SRRM3: variants seen among roughly 807,000 people sequenced by gnomAD.
SRRM3 encodes serine/arginine repetitive matrix protein 3.
In SRRM3, 27 loss-of-function variants were observed where a neutral mutation model predicts 66.2. The observed-to-expected ratio is 0.41, with a 90% CI of 0.30 to 0.56. SRRM3 has a LOEUF of 0.56. Among genes scored for constraint, SRRM3 ranks in the 20% least tolerant of loss-of-function variants. The probability of loss-of-function intolerance (pLI) is 0.32; values close to 1 mark genes in which losing one functional copy is unlikely to be tolerated. For synonymous variants in SRRM3, 391 were observed against 414.9 expected (o/e 0.94, Z 0.70); for missense variants, 918 against 991.9 (o/e 0.93, Z 1.00).
chr7:76,272,193 G>A (rs1036834278), intron 11 of SRRM3, among the ~76,000 whole-genome samples: 17 of 152,226 alleles, frequency 1.1e-4, no homozygotes, highest in South Asian at 2.1e-4. Flanking sequence ...AGAGTTTGCC[G>A]TCTTTTCTAT....
intron 12 of SRRM3, 93 bp downstream of exon 12, chr7:76,281,895 G>T: frequency 1.1e-6 from 1 of 874,110 alleles, no homozygotes. Context: ...ATCCCTCCCC[G>T]CGCTGAGCTA....
intron 1 of SRRM3, among the ~76,000 whole-genome samples, chr7:76,222,511 G>A (rs1446710981): frequency 6.6e-6 from 1 of 151,892 alleles, no homozygotes; most frequent in Non-Finnish European, 1.5e-5. Context: ...TGCCTGCAGG[G>A]TGTGGTCCTA....
In SRRM3 at chr7:76,287,023, G is replaced by A. The variant is rs1802697225; in HGVS notation, c.*1180G>A. 6.5e-6 allele frequency: 1 copy of A among 152,678 alleles called. No individual in the cohort carries two copies. The highest frequency in any genetic ancestry group is 6.5e-5 in the Admixed American group (1 of 15,278). 9.5% of individuals were successfully genotyped at this position (152,678 alleles called of 1,614,324 possible). A position where few individuals can be genotyped will look rare whatever the true frequency, so the allele number is the denominator to read the frequency against. On this transcript the variant is annotated 3_prime_UTR_variant, in exon 15 of 15. Coordinates refer to ENST00000611745, the MANE Select transcript of SRRM3 (RefSeq NM_001110199.3). The stretch of plus-strand genomic sequence containing the variant: ...CTACAGCCCTCAGAAGGGAGGGGAG[G>A]AAAGAGACTGAGGGCCCTGGCCTGG...
At chr7:76,258,172 G>A (rs1801759188) in intron 3 of SRRM3, among the ~76,000 whole-genome samples, 1 of 152,198 alleles carries the variant, frequency 6.6e-6, no homozygotes, top group Non-Finnish European at 1.5e-5. Flanking sequence ...CTTGATTGAT[G>A]AGCACAGTCC....
intron 3 of SRRM3, among the ~76,000 whole-genome samples, chr7:76,253,482 G>A (rs900824137): frequency 1.4e-4 from 22 of 151,862 alleles, no homozygotes; most frequent in African/African-American, 3.9e-4. Context: ...TTAGCTGGGC[G>A]TGGTGGTGGG....
chr7:76,219,484 G>A (rs1800659170), intron 1 of SRRM3, among the ~76,000 whole-genome samples: 1 of 152,206 alleles, frequency 6.6e-6, no homozygotes, highest in African/African-American at 2.4e-5. Context: ...ATCTCAGCCA[G>A]CCCAGCAGAA....
At chr7:76,216,107 C>T (rs994981528) in intron 1 of SRRM3, among the ~76,000 whole-genome samples, 12 of 151,784 alleles carry the variant, frequency 7.9e-5, no homozygotes, top group Non-Finnish European at 1.6e-4. Context: ...GCGCCCGGCC[C>T]ACATCTGGCT....
intron 14 of SRRM3, among the ~76,000 whole-genome samples, chr7:76,284,632 C>G (rs1802611893): frequency 6.6e-6 from 1 of 152,204 alleles, no homozygotes; most frequent in African/African-American, 2.4e-5. Context: ...AGACAGGTCA[C>G]ACACCCTGCC....
intron 1 of SRRM3, among the ~76,000 whole-genome samples, chr7:76,218,233 A>G (rs1800616627): frequency 6.6e-6 from 1 of 152,170 alleles, no homozygotes. Context: ...CCAGCTTGGG[A>G]GGGTCCTCAG....
intron 5 of SRRM3, among the ~76,000 whole-genome samples, chr7:76,260,458 C>T (rs1171458311): frequency 1.4e-5 from 2 of 145,762 alleles, no homozygotes; most frequent in African/African-American, 2.5e-5. Flanking sequence ...CAAGGAGCCC[C>T]TCCCCTTCTC....
intron 11 of SRRM3, among the ~76,000 whole-genome samples, chr7:76,272,181 A>G (rs1278542770): frequency 2.0e-5 from 3 of 152,156 alleles, no homozygotes; most frequent in African/African-American, 7.2e-5. Context: ...AAAAGAGTAT[A>G]CAGAGTTTGC....
chr7:76,217,622 G>A (rs1800602130), intron 1 of SRRM3, among the ~76,000 whole-genome samples: 1 of 152,156 alleles, frequency 6.6e-6, no homozygotes, highest in East Asian at 1.9e-4. Flanking sequence ...AAAACCTTCA[G>A]AAGTGGGGGA....
chr7:76,283,018 C>T lies in SRRM3; in HGVS notation c.1650C>T (p.Ala550=). The change falls in exon 14 of 15, where the codon GCC becomes GCT. Residue 550 remains alanine (A), a synonymous_variant. Coordinates refer to ENST00000611745, the MANE Select transcript of SRRM3 (RefSeq NM_001110199.3). The part of the protein sequence containing the change: ...ARHSEAEATR[A]RRRSRSYSPI... ...ACTCTGAGGCCGAGGCCACCCGCGC[C>T]CGGCGCCGCTCCCGCAGCTACTCGC... 1.4e-6 allele frequency: 2 copies of T among 1,475,938 alleles called. No individual in the cohort carries two copies. Among genetic ancestry groups the T allele is most frequent in the South Asian group, 1.3e-5 (1 of 77,502 alleles). The allele number at this position is 1,475,938 out of a possible 1,614,324, so 91.4% of individuals were successfully genotyped here.
intron 3 of SRRM3, among the ~76,000 whole-genome samples, chr7:76,249,315 G>C (rs1554606588): frequency 6.6e-6 from 1 of 151,882 alleles, no homozygotes; most frequent in Non-Finnish European, 1.5e-5. Context: ...GAACCTGGAA[G>C]GCGGAGGTTG....
chr7:76,281,656 C>T lies in SRRM3; in HGVS notation c.1224C>T (p.Arg408=), dbSNP rs1753017947. The part of the protein sequence containing the change: ...SSASAPRRRG[R]RRPRPAPPRG... Reference sequence around the variant, plus strand: ...CGTCCGCGCCCCGCCGCAGGGGTCGCCGGCGCCCCCGGCCCGCGCCCCCCC... The same window carrying T: ...CGTCCGCGCCCCGCCGCAGGGGTCGTCGGCGCCCCCGGCCCGCGCCCCCCC... Residue 408 remains arginine (R), a synonymous_variant, in exon 12 of 15, where the codon CGC becomes CGT. Transcript: ENST00000611745. 1 of 976,882 alleles carries T rather than the reference C, an allele frequency of 1.0e-6. No individual in the cohort carries two copies. The highest frequency in any genetic ancestry group is 1.8e-5 in the African/African-American group (1 of 56,640). 60.5% of individuals were successfully genotyped at this position (976,882 alleles called of 1,614,324 possible).
chr7:76,274,661 C>G (rs1554610881), intron 11 of SRRM3, among the ~76,000 whole-genome samples: 1 of 152,198 alleles, frequency 6.6e-6, no homozygotes. Context: ...GCGGCAGAAC[C>G]AGGACTAGGT....
rs989529543 is a variant in SRRM3, at chr7:76,285,786, G to A, written c.1905G>A (p.Ser635=). The A allele has an allele frequency of 2.1e-5, 33 of 1,550,898 alleles. No homozygotes were observed. Among genetic ancestry groups the A allele is most frequent in the Non-Finnish European group, 2.6e-5 (30 of 1,147,204 alleles). Residue 635 remains serine (S), a synonymous_variant, in exon 15 of 15, where the codon TCG becomes TCA. Transcript: ENST00000611745. The surrounding 1 kb of genome is among the most constrained non-coding windows in gnomAD (Gnocchi z 4.1). ...HGTRSRTRSP[S]RTPSPSYHSR... is the part of the protein sequence containing the mutation. The stretch of plus-strand genomic sequence containing the variant: ...CCCGCAGCCGGACACGCAGCCCCTC[G>A]AGGACCCCCAGTCCCAGCTACCACA...
chr7:76,229,726 TTTC>T (rs1166139919), intron 1 of SRRM3, among the ~76,000 whole-genome samples: 37 of 150,646 alleles, frequency 2.5e-4, no homozygotes, highest in South Asian at 1.5e-3. Context: ...CCTGTTTCAC[TTTC>T]TTCTTCTTCT....
intron 12 of SRRM3, 68 bp from the exon 13 acceptor site, chr7:76,282,580 A>ACCCCCC: frequency 5.8e-6 from 1 of 172,294 alleles, no homozygotes; most frequent in Non-Finnish European, 9.6e-6. Flanking sequence ...CGCCCCAGGG[A>ACCCCCC]ACCCTCCCCG....
Sources: gnomAD v4.1 joint callset for allele counts (sites outside exome capture counted in the v4.1 genomes callset) on GRCh38, gnomAD v4.1.1 for gene constraint, Gnocchi (gnomAD v3.1) non-coding constraint, MANE v1.5 for transcripts, NCBI Gene and HGNC (gene_info 2026-07-23, HGNC 2026-07-21) for gene names.